TAB2: variants seen among roughly 807,000 people sequenced by gnomAD.
TAB2 encodes TGF-beta-activated kinase 1 and MAP3K7-binding protein 2.
A neutral mutation model predicts 65.0 loss-of-function variants in TAB2; 3 were observed. The observed-to-expected ratio is 0.05, with a 90% confidence interval of 0.02 to 0.12. TAB2 has a LOEUF of 0.12. Among genes scored for constraint, TAB2 ranks in the 10% least tolerant of loss-of-function variants. The pLI is 1.00. For synonymous variants in TAB2, 298 were observed against 285.1 expected (o/e 1.05, Z -0.46); for missense variants, 623 against 840.3 (o/e 0.74, Z 3.20).
chr6:149,358,287 G>A (rs1382754633), intron 1 of TAB2, among the ~76,000 whole-genome samples: 2 of 151,990 alleles, frequency 1.3e-5, no homozygotes, highest in Non-Finnish European at 2.9e-5. Flanking sequence ...ACCTTAATAC[G>A]CATAGCCTGA....
intron 1 of TAB2, among the ~76,000 whole-genome samples, chr6:149,331,022 T>C (rs533689423): frequency 1.8e-3 from 269 of 152,278 alleles, no homozygotes; most frequent in South Asian, 3.9e-3. Context: ...TGATTACTAT[T>C]GCTATATAGT....
intron 1 of TAB2, among the ~76,000 whole-genome samples, chr6:149,264,570 C>A (rs1159757628): frequency 6.6e-6 from 1 of 152,110 alleles, no homozygotes; most frequent in Non-Finnish European, 1.5e-5. Flanking sequence ...AGGGTGTCCA[C>A]CACCCGAGTA....
chr6:149,312,408 G>C (rs948342383), intron 1 of TAB2, among the ~76,000 whole-genome samples: 1 of 152,028 alleles, frequency 6.6e-6, no homozygotes, highest in Admixed American at 6.6e-5. Flanking sequence ...TGTCACGCAG[G>C]CTGGAGTACA....
chr6:149,403,317 CACACAT>C (rs1782538831), intron 6 of TAB2, among the ~76,000 whole-genome samples: 5 of 89,264 alleles, frequency 5.6e-5, no homozygotes, highest in Admixed American at 3.7e-4. Flanking sequence ...TATATATACA[CACACAT>C]ATATATACAT....
At chr6:149,350,617 C>CTTTTTTTTTTTT (rs150204735) in intron 1 of TAB2, among the ~76,000 whole-genome samples, 5 of 92,504 alleles carry the variant, frequency 5.4e-5, no homozygotes, top group Admixed American at 1.3e-4. Context: ...TATTTTATGT[C>CTTTTTTTTTTTT]TTTTTTTTTT....
At chr6:149,388,729 C>G (rs892568395) in intron 3 of TAB2, among the ~76,000 whole-genome samples, 1 of 152,000 alleles carries the variant, frequency 6.6e-6, no homozygotes, top group Non-Finnish European at 1.5e-5. Context: ...CTTTTTCCAG[C>G]CATTTGTATT....
At chr6:149,318,600 C>T (rs1339507275) in intron 1 of TAB2, 2 of 152,194 alleles carry the variant, frequency 1.3e-5, no homozygotes, top group Non-Finnish European at 2.9e-5. Flanking sequence ...ATATGTGGCC[C>T]CTTAAATTTC....
At chr6:149,391,900 A>G (rs895738419) in intron 3 of TAB2, among the ~76,000 whole-genome samples, 7 of 152,070 alleles carry the variant, frequency 4.6e-5, no homozygotes, top group African/African-American at 1.7e-4. Flanking sequence ...TCCGACTCAC[A>G]TATGAAATTT....
chr6:149,398,204 T>C, intron 5 of TAB2, 142 bp downstream of exon 5: 1 of 730,856 alleles, frequency 1.4e-6, no homozygotes, highest in Admixed American at 2.3e-5. Context: ...TTTAAGAATA[T>C]ATTTAAAAAG....
At chr6:149,344,420 A>G (rs1313080878) in intron 1 of TAB2, among the ~76,000 whole-genome samples, 4 of 152,260 alleles carry the variant, frequency 2.6e-5, no homozygotes, top group South Asian at 2.1e-4. Context: ...AGCTTTGTGG[A>G]GAAGGTAATG....
At chr6:149,284,644 TTACACA>T (rs1001356449) in intron 1 of TAB2, among the ~76,000 whole-genome samples, 1 of 110,354 alleles carries the variant, frequency 9.1e-6, no homozygotes, top group Non-Finnish European at 1.9e-5. Flanking sequence ...AATGATCTCT[TTACACA>T]CACACACACA....
At chr6:149,405,016 C>G (rs1394216558) in intron 6 of TAB2, among the ~76,000 whole-genome samples, 2 of 152,194 alleles carry the variant, frequency 1.3e-5, no homozygotes, top group East Asian at 3.9e-4. Context: ...CTATTTAACT[C>G]CTAAAGGGTT....
intron 6 of TAB2, among the ~76,000 whole-genome samples, chr6:149,403,247 A>AATATATATAT (rs71010865): frequency 3.6e-4 from 16 of 44,022 alleles, no homozygotes; most frequent in Admixed American, 6.2e-4. Flanking sequence ...AAAAAAAAAA[A>AATATATATAT]ATATATATAT....
At chr6:149,340,453 T>G (rs1413190283) in intron 1 of TAB2, among the ~76,000 whole-genome samples, 1 of 152,164 alleles carries the variant, frequency 6.6e-6, no homozygotes, top group Non-Finnish European at 1.5e-5. Flanking sequence ...TATTGGAGTT[T>G]CGATGAGTAA....
chr6:149,389,913 G>GT (rs1403045922), intron 3 of TAB2, among the ~76,000 whole-genome samples: 2 of 152,166 alleles, frequency 1.3e-5, no homozygotes, highest in Non-Finnish European at 2.9e-5. Context: ...TCATCTCTTA[G>GT]TAGGTTCTTA....
chr6:149,258,643 A>T (rs1778090630), intron 1 of TAB2, among the ~76,000 whole-genome samples: 1 of 152,252 alleles, frequency 6.6e-6, no homozygotes, highest in African/African-American at 2.4e-5. Context: ...CATTGAGAAA[A>T]TGTTAATCAC....
At chr6:149,358,876 T>C (rs1422125178) in intron 1 of TAB2, among the ~76,000 whole-genome samples, 2 of 152,062 alleles carry the variant, frequency 1.3e-5, no homozygotes, top group Non-Finnish European at 2.9e-5. Flanking sequence ...TTATCCATCT[T>C]CCAGTTCACC....
chr6:149,392,731 G>T (rs1782032742), intron 3 of TAB2, among the ~76,000 whole-genome samples: 1 of 152,126 alleles, frequency 6.6e-6, no homozygotes, highest in Non-Finnish European at 1.5e-5. Flanking sequence ...TTAATTGTTG[G>T]TGGATTGTAC....
intron 1 of TAB2, among the ~76,000 whole-genome samples, chr6:149,228,860 C>CAT: frequency 6.6e-6 from 1 of 152,210 alleles, no homozygotes; most frequent in Non-Finnish European, 1.5e-5. Flanking sequence ...GATGTGTGTG[C>CAT]GTGCATGCAT....
Sources: gnomAD v4.1 joint callset for allele counts (sites outside exome capture counted in the v4.1 genomes callset) on GRCh38, gnomAD v4.1.1 for gene constraint, MANE v1.5 for transcripts, NCBI Gene and HGNC (gene_info 2026-07-23, HGNC 2026-07-21) for gene names.